Variants in CDH12 observed in about 807,000 individuals in gnomAD.
The protein encoded by CDH12 is cadherin 12.
In CDH12, 41 loss-of-function variants were observed where a neutral mutation model predicts 74.1. The observed-to-expected ratio is 0.55, with a 90% CI of 0.43 to 0.72. The LOEUF (loss-of-function observed/expected upper bound fraction) is 0.72. Ranked by LOEUF, CDH12 falls within the 30% of genes least tolerant of loss-of-function variation. The pLI, the probability that CDH12 is intolerant of heterozygous loss-of-function variation, is 0.00. For missense variants in CDH12, 945 were observed against 977.2 expected, an observed-to-expected ratio of 0.97 and a Z score of 0.44; for synonymous variants, 399 against 355.0, an observed-to-expected ratio of 1.12 and a Z score of -1.39.
chr5:21,915,920 C>A (rs142926751), intron 6 of CDH12, among the ~76,000 whole-genome samples: 266 of 136,788 alleles, frequency 1.9e-3, no homozygotes, highest in African/African-American at 6.6e-3. Flanking sequence ...AATAAAAGAC[C>A]TAGAGGGAGG....
intron 3 of CDH12, among the ~76,000 whole-genome samples, chr5:22,307,575 G>A (rs1053300690): frequency 6.6e-6 from 1 of 152,054 alleles, no homozygotes; most frequent in African/African-American, 2.4e-5. Context: ...ATGACTCCAC[G>A]TTATTACACT....
chr5:22,821,868 T>C (rs2126477150), intron 1 of CDH12, among the ~76,000 whole-genome samples: 2 of 151,368 alleles, frequency 1.3e-5, no homozygotes, highest in East Asian at 1.9e-4. Flanking sequence ...CTTCACAGAA[T>C]TGGAAAAAAC....
At chr5:22,540,870 A>T (rs1738069627) in intron 1 of CDH12, among the ~76,000 whole-genome samples, 1 of 152,236 alleles carries the variant, frequency 6.6e-6, no homozygotes, top group African/African-American at 2.4e-5. Flanking sequence ...ATATATACAT[A>T]TGCATTTATA....
intron 6 of CDH12, among the ~76,000 whole-genome samples, chr5:21,862,001 C>G (rs567966516): frequency 3.3e-5 from 5 of 151,424 alleles, no homozygotes; most frequent in Non-Finnish European, 7.4e-5. Flanking sequence ...GGTTAATTTA[C>G]TAACTTATCT....
At chr5:22,404,569 A>C (rs1435447499) in intron 3 of CDH12, among the ~76,000 whole-genome samples, 1 of 152,202 alleles carries the variant, frequency 6.6e-6, no homozygotes, top group Non-Finnish European at 1.5e-5. Context: ...TATTTGATTA[A>C]AACTGCTATA....
At chr5:22,680,077 A>C (rs1741414317) in intron 1 of CDH12, among the ~76,000 whole-genome samples, 1 of 152,072 alleles carries the variant, frequency 6.6e-6, no homozygotes, top group Admixed American at 6.6e-5. Context: ...GGATATAAAC[A>C]ATACAGTTGT....
At chr5:22,213,138 A>C (rs1469759884) in intron 3 of CDH12, among the ~76,000 whole-genome samples, 4 of 152,204 alleles carry the variant, frequency 2.6e-5, no homozygotes, top group African/African-American at 9.7e-5. Context: ...AGATAGCTGC[A>C]CTTGTCTCTG....
intron 6 of CDH12, among the ~76,000 whole-genome samples, chr5:21,884,543 T>C (rs191886377): frequency 6.6e-5 from 10 of 152,348 alleles, no homozygotes; most frequent in Non-Finnish European, 7.3e-5. Context: ...AAAAAACATT[T>C]GTACATTCCT....
Position 22,182,512 on chromosome 5 carries a change from G to T in CDH12, c.-187+29986C>A, listed in dbSNP as rs537413363. 3.9e-5 allele frequency among the ~76,000 whole-genome samples: 6 copies of T among 152,278 alleles called. No homozygotes were observed. In the South Asian group the frequency reaches 1.2e-3, roughly 32 times the overall value. ...ACCTAAAAGAATATTTTGCCTGTTA[G>T]AATGAGCTGTATTGAGGTAACTATG... is the stretch of plus-strand genomic sequence containing the variant. On this transcript the variant is annotated intron_variant, in intron 4 of 14. Transcript: ENST00000382254.
At chr5:21,967,262 C>T (rs1351935887) in intron 6 of CDH12, among the ~76,000 whole-genome samples, 4 of 152,088 alleles carry the variant, frequency 2.6e-5, no homozygotes, top group African/African-American at 9.7e-5. Context: ...AAGCCAGAGA[C>T]AATTGGGCCA....
chr5:21,939,456 T>C (rs1280342361), intron 6 of CDH12, among the ~76,000 whole-genome samples: 5 of 151,830 alleles, frequency 3.3e-5, no homozygotes, highest in Non-Finnish European at 2.9e-5. Flanking sequence ...TACAATTAAA[T>C]TTAACATGCT....
intron 1 of CDH12, among the ~76,000 whole-genome samples, chr5:22,721,805 T>A (rs1743907560): frequency 6.6e-6 from 1 of 152,170 alleles, no homozygotes; most frequent in Non-Finnish European, 1.5e-5. Flanking sequence ...GTTTTCATGA[T>A]ATCTGTTGAT....
intron 1 of CDH12, among the ~76,000 whole-genome samples, chr5:22,848,220 T>G (rs866683213): frequency 3.9e-5 from 6 of 152,216 alleles, no homozygotes; most frequent in Non-Finnish European, 7.3e-5. Flanking sequence ...TTCATCACAA[T>G]GTAAACTTAC....
intron 3 of CDH12, among the ~76,000 whole-genome samples, chr5:22,301,074 T>C (rs930507623): frequency 6.7e-6 from 1 of 150,068 alleles, no homozygotes; most frequent in African/African-American, 2.4e-5. Flanking sequence ...AAAAATTGTG[T>C]GGATTTTATA....
chr5:21,830,639 G>A lies in CDH12; in HGVS notation c.814+11522C>T, dbSNP rs80245601. ...CTTTGCATCAGTGAGAGTTTATTCA[G>A]TTTAGTCAGGCCCCAGTGAGTAAAT... On this transcript the variant is annotated intron_variant, in intron 8 of 14. Coordinates refer to ENST00000382254, the MANE Select transcript of CDH12 (RefSeq NM_004061.5). Among the ~76,000 whole-genome samples the A allele has an allele frequency of 3.0e-3, 459 of 152,198 alleles. 1 individual carries two copies. Among genetic ancestry groups the A allele is most frequent in the African/African-American group, 0.011 (446 of 41,536 alleles).
At chr5:22,852,460 C>A (rs1029979882) in intron 1 of CDH12, among the ~76,000 whole-genome samples, 2 of 152,032 alleles carry the variant, frequency 1.3e-5, no homozygotes, top group Non-Finnish European at 2.9e-5. Flanking sequence ...TATTATATAA[C>A]CCACAGCAGA....
intron 2 of CDH12, among the ~76,000 whole-genome samples, chr5:22,488,921 T>A (rs1746722643): frequency 6.6e-6 from 1 of 151,998 alleles, no homozygotes; most frequent in South Asian, 2.1e-4. Context: ...TGAAAACTTC[T>A]TCCTTAATGA....
intron 5 of CDH12, among the ~76,000 whole-genome samples, chr5:22,027,765 G>T (rs1580134030): frequency 6.6e-6 from 1 of 152,048 alleles, no homozygotes; most frequent in Admixed American, 6.6e-5. Context: ...CAAAAAACCA[G>T]CTCCTGGATT....
rs556668904 is a variant in CDH12, at chr5:22,277,463, A to C, written c.-332-64820T>G. 1.8e-4 allele frequency among the ~76,000 whole-genome samples: 28 copies of C among 152,220 alleles called. No homozygotes were observed. The South Asian group carries it at 5.4e-3, about 29-fold the overall frequency. On this transcript the variant is annotated intron_variant, in intron 3 of 14. Coordinates refer to ENST00000382254, the MANE Select transcript of CDH12 (RefSeq NM_004061.5). ...GGCTAGGACAGGTCACTCTGCCCAGAGATATCTTCTCTGAGACCCATAGTG... is the reference window on the plus strand; with the variant it reads ...GGCTAGGACAGGTCACTCTGCCCAGCGATATCTTCTCTGAGACCCATAGTG...
Sources: allele counts gnomAD v4.1 joint callset (sites outside exome capture counted in the v4.1 genomes callset), GRCh38; gene constraint gnomAD v4.1.1; transcripts MANE v1.5; gene names NCBI Gene and HGNC (gene_info 2026-07-23, HGNC 2026-07-21).